Variants in ATF6 observed in about 807,000 individuals in gnomAD.
ATF6 encodes activating transcription factor 6.
ATF6 carries 53 observed loss-of-function variants against 83.6 expected under a neutral mutation model. The observed-to-expected ratio is 0.63, with a 90% CI of 0.51 to 0.80. ATF6 has a LOEUF of 0.80. ATF6 is among the 30% of genes least tolerant of loss of function. The pLI is 0.00. For synonymous variants in ATF6, 288 were observed against 285.8 expected (o/e 1.01, Z -0.08); for missense variants, 744 against 797.9 (o/e 0.93, Z 0.81).
intron 14 of ATF6, among the ~76,000 whole-genome samples, chr1:161,893,161 T>TCTTG (rs1482119324): frequency 8.0e-4 from 122 of 151,926 alleles, no homozygotes; most frequent in African/African-American, 2.8e-3. Context: ...TTATTTTCTT[T>TCTTG]CTTTCTTTCT....
chr1:161,907,431 A>G (rs908650780), intron 14 of ATF6, among the ~76,000 whole-genome samples: 1 of 152,196 alleles, frequency 6.6e-6, no homozygotes, highest in Non-Finnish European at 1.5e-5. Context: ...TATGGGCCAA[A>G]TATAAAATGT....
At chr1:161,855,031 G>T (rs1379092136) in intron 12 of ATF6, among the ~76,000 whole-genome samples, 1 of 152,150 alleles carries the variant, frequency 6.6e-6, no homozygotes, top group Admixed American at 6.5e-5. Context: ...GGCAGCAGAT[G>T]TAGGCTCATA....
intron 4 of ATF6, among the ~76,000 whole-genome samples, chr1:161,789,884 A>G (rs1461748254): frequency 1.3e-5 from 2 of 152,134 alleles, no homozygotes; most frequent in African/African-American, 2.4e-5. Flanking sequence ...TACACTCTAC[A>G]TATTGCTCAG....
intron 14 of ATF6, among the ~76,000 whole-genome samples, chr1:161,870,241 T>G (rs1232428530): frequency 6.6e-6 from 1 of 151,880 alleles, no homozygotes; most frequent in Non-Finnish European, 1.5e-5. Flanking sequence ...CTGTTAATTA[T>G]AATTATAGAT....
At position 161,897,922 on chromosome 1, in the gene ATF6, G is replaced by A. The variant is rs186974597; in HGVS notation, c.1720-14374G>A. Among the ~76,000 whole-genome samples, 59 of 152,222 alleles carry A rather than the reference G, an allele frequency of 3.9e-4. 1 individual carries two copies. The East Asian group carries it at 7.1e-3, about 18-fold the overall frequency. ...ATGTGGCTTGCTTATATGCCTCACAGTATATTTCTATTAAACAACACTGCT... is the reference window on the plus strand; with the variant it reads ...ATGTGGCTTGCTTATATGCCTCACAATATATTTCTATTAAACAACACTGCT... On this transcript the variant is annotated intron_variant, in intron 14 of 15. Coordinates refer to ENST00000367942, the MANE Select transcript of ATF6 (RefSeq NM_007348.4).
intron 6 of ATF6, among the ~76,000 whole-genome samples, chr1:161,794,751 C>G (rs1684972305): frequency 6.6e-6 from 1 of 152,204 alleles, no homozygotes; most frequent in Non-Finnish European, 1.5e-5. Flanking sequence ...CAACCAGCAA[C>G]AACTTATGCC....
chr1:161,927,698 G>A (rs1016374167), intron 15 of ATF6, among the ~76,000 whole-genome samples: 16 of 152,132 alleles, frequency 1.1e-4, no homozygotes, highest in African/African-American at 3.9e-4. Flanking sequence ...ATTTTTTAAA[G>A]CAAGGACCAC....
intron 15 of ATF6, among the ~76,000 whole-genome samples, chr1:161,915,365 T>C (rs1688075361): frequency 6.6e-6 from 1 of 152,172 alleles, no homozygotes; most frequent in Non-Finnish European, 1.5e-5. Context: ...CCTCTAAGAG[T>C]TGATGTGAGA....
intron 11 of ATF6, among the ~76,000 whole-genome samples, chr1:161,852,440 A>G (rs1686654200): frequency 6.6e-6 from 1 of 152,006 alleles, no homozygotes; most frequent in South Asian, 2.1e-4. Context: ...ACCCCAGGCA[A>G]TTGAGTTCAT....
At chr1:161,835,109 T>C (rs1686181180) in intron 9 of ATF6, among the ~76,000 whole-genome samples, 1 of 152,200 alleles carries the variant, frequency 6.6e-6, no homozygotes, top group Non-Finnish European at 1.5e-5. Flanking sequence ...TTGCTTTGTT[T>C]TCCAGGCTGG....
chr1:161,809,663 G>A (rs573447049), intron 7 of ATF6, among the ~76,000 whole-genome samples: 12 of 152,338 alleles, frequency 7.9e-5, no homozygotes, highest in African/African-American at 2.6e-4. Flanking sequence ...CCTACTAACA[G>A]TGTAAAAGTG....
At chr1:161,938,084 C>T (rs1688573938) in intron 15 of ATF6, among the ~76,000 whole-genome samples, 1 of 152,142 alleles carries the variant, frequency 6.6e-6, no homozygotes, top group South Asian at 2.1e-4. Flanking sequence ...TCCTCCTCTG[C>T]ATGCACAGAG....
At chr1:161,958,366 T>C (rs1377503891) in intron 15 of ATF6, 80 bp from the exon 16 acceptor site, 19 of 1,399,982 alleles carry the variant, frequency 1.4e-5, no homozygotes, top group Non-Finnish European at 1.8e-5. Context: ...AGCACATTTC[T>C]GTATTTCTGG....
chr1:161,829,770 A>G (rs543982031), intron 9 of ATF6, among the ~76,000 whole-genome samples: 1 of 152,212 alleles, frequency 6.6e-6, no homozygotes, highest in East Asian at 1.9e-4. Flanking sequence ...CATGCTAAAA[A>G]CTCTCAATAA....
intron 15 of ATF6, among the ~76,000 whole-genome samples, chr1:161,918,133 C>A (rs1325899733): frequency 6.6e-6 from 1 of 151,876 alleles, no homozygotes; most frequent in East Asian, 1.9e-4. Flanking sequence ...TCATTGGGAG[C>A]AGTATAACAT....
At chr1:161,936,004 C>T (rs1688528368) in intron 15 of ATF6, among the ~76,000 whole-genome samples, 1 of 152,208 alleles carries the variant, frequency 6.6e-6, no homozygotes, top group Non-Finnish European at 1.5e-5. Context: ...ATGCCGTCTT[C>T]ACGTGGTAGG....
intron 15 of ATF6, among the ~76,000 whole-genome samples, chr1:161,956,662 G>A (rs1435932884): frequency 6.6e-6 from 1 of 152,174 alleles, no homozygotes; most frequent in Non-Finnish European, 1.5e-5. Flanking sequence ...TGCTGAGACT[G>A]GGAAAGAAGG....
chr1:161,920,294 C>CTTTTTTTTTTTTTTTTTTTTTTTTT lies in ATF6; in HGVS notation c.1804+7932_1804+7933insTTTTTTTTTTTTTTTTTTTTTTTTT, dbSNP rs71798307. 2.1e-3 allele frequency among the ~76,000 whole-genome samples: 114 copies of CTTTTTTTTTTTTTTTTTTTTTTTTT among 54,832 alleles called. 43 individuals are homozygous for CTTTTTTTTTTTTTTTTTTTTTTTTT. The highest frequency in any genetic ancestry group is 0.021 in the Middle Eastern group (1 of 48). 36.0% of individuals were successfully genotyped at this position (54,832 alleles called of 152,430 possible). ...TAGTTCTCTTTCTCTCTCTCTCTCTCTTTTTTTTTTTTTTTTTTGAGACAG... is the reference window on the plus strand; with the variant it reads ...TAGTTCTCTTTCTCTCTCTCTCTCTCTTTTTTTTTTTTTTTTTTTTTTTTTTTTTTTTTTTTTTTTTTTGAGACAG... On this transcript the variant is annotated intron_variant, in intron 15 of 15. Transcript: ENST00000367942.
At chr1:161,821,187 A>G in intron 9 of ATF6, 26 bp downstream of exon 9, 2 of 1,456,704 alleles carry the variant, frequency 1.4e-6, no homozygotes, top group Non-Finnish European at 1.9e-6. Context: ...TTTATTTTGG[A>G]CACTAATGCT....
Sources: allele counts gnomAD v4.1 joint callset (sites outside exome capture counted in the v4.1 genomes callset), GRCh38; gene constraint gnomAD v4.1.1; transcripts MANE v1.5; gene names NCBI Gene and HGNC (gene_info 2026-07-23, HGNC 2026-07-21).